EPG5: variants seen among roughly 807,000 people sequenced by gnomAD.
The protein encoded by EPG5 is ectopic P granules protein 5 homolog.
EPG5 carries 159 observed loss-of-function variants against 302.7 expected under a neutral mutation model. That is an observed-to-expected ratio of 0.53 (90% CI 0.46 to 0.60). The LOEUF is 0.60. EPG5 is among the 20% of genes least tolerant of loss of function. EPG5 has a pLI of 0.00. For synonymous variants in EPG5, 1,158 were observed against 1,136.8 expected (o/e 1.02, Z -0.37); for missense variants, 2,896 against 3,092.4 (o/e 0.94, Z 1.51).
chr18:45,933,708 G>A (rs1429359615), intron 11 of EPG5, among the ~76,000 whole-genome samples: 1 of 151,804 alleles, frequency 6.6e-6, no homozygotes, highest in Non-Finnish European at 1.5e-5. Flanking sequence ...AATAAATCAT[G>A]AATGTCTGCA....
chr18:45,838,700 C>A, the EPG5 span: 1 of 1,553,840 alleles, frequency 6.4e-7, no homozygotes, highest in African/African-American at 1.4e-5. Flanking sequence ...TGACAGTCAC[C>A]CGCCTTCTCC....
At chr18:45,870,237 T>C (rs1010342724) in intron 36 of EPG5, among the ~76,000 whole-genome samples, 6 of 152,186 alleles carry the variant, frequency 3.9e-5, no homozygotes, top group Non-Finnish European at 8.8e-5. Flanking sequence ...TGACACAAAC[T>C]GTAATGACAC....
chr18:45,840,366 G>A, the EPG5 span: 1 of 1,110,712 alleles, frequency 9.0e-7, no homozygotes. Context: ...TTTGACCAGG[G>A]GCTGGGCCTT....
chr18:45,889,161 G>C (rs1484817294), intron 28 of EPG5, among the ~76,000 whole-genome samples: 1 of 152,180 alleles, frequency 6.6e-6, no homozygotes, highest in African/African-American at 2.4e-5. Context: ...TCAGCTGTTG[G>C]AACTGGAATG....
At chr18:45,910,765 C>G in intron 22 of EPG5, 23 bp from the exon 23 acceptor site, 2 of 1,579,740 alleles carry the variant, frequency 1.3e-6, no homozygotes, top group East Asian at 2.2e-5. Flanking sequence ...AAGCACAGAT[C>G]TATAACCTTT....
At chr18:45,962,057 G>T (rs1418822785) in intron 1 of EPG5, among the ~76,000 whole-genome samples, 1 of 148,584 alleles carries the variant, frequency 6.7e-6, no homozygotes, top group Non-Finnish European at 1.5e-5. Context: ...CTAAGGCCAG[G>T]TTCTTTGGGG....
intron 14 of EPG5, among the ~76,000 whole-genome samples, chr18:45,923,617 C>T (rs948155073): frequency 3.9e-5 from 6 of 152,152 alleles, no homozygotes; most frequent in Admixed American, 6.5e-5. Context: ...AACCCCTACT[C>T]CAGCCAAAAA....
chr18:45,879,134 T>C lies in EPG5; in HGVS notation c.5748A>G (p.Leu1916=), dbSNP rs1211859486. Residue 1916 remains leucine, a synonymous_variant, in exon 33 of 44, where the codon TTA becomes TTG. Coordinates refer to ENST00000282041, the MANE Select transcript of EPG5 (RefSeq NM_020964.3). ...CCATATAAGGACTCCATTTTGAGAA[T>C]AAACCAAAGCTTTTAAAGTCCATCT... The part of the protein sequence containing the change: ...LSKMDFKSFG[L]FSKWSPYMAD... 11 of 1,614,110 alleles carry C rather than the reference T, an allele frequency of 6.8e-6. No homozygotes were observed. In the South Asian group the frequency reaches 1.1e-4, roughly 16 times the overall value.
rs754526356 is a variant in EPG5 at position 45,917,746 on chromosome 18, C to G, written c.3172G>C (p.Val1058Leu). ...LVQSRHLRTV[V>L]HVLDKILPLF... ...GGCAGAATCTTATCCAGGACATGAA[C>G]CACTGTTCTCAAATGTCTTGACTGG... The change falls in exon 17 of 44, where the codon GTT (valine) becomes CTT (leucine). Residue 1058 changes from valine to leucine, a missense_variant. Val to Leu is a conservative substitution (Grantham distance 32). Around this residue, in one of 5 missense-constraint regions of EPG5, gnomAD observed 1,390 missense variants for 1,430.0 expected, o/e 0.97. Transcript: ENST00000282041. 4 of 1,613,982 alleles carry G rather than the reference C, an allele frequency of 2.5e-6. No homozygotes were observed. In the South Asian group the frequency reaches 4.4e-5, roughly 18 times the overall value.
At chr18:45,824,192 C>T in the EPG5 span, among the ~76,000 whole-genome samples, 1 of 151,846 alleles carries the variant, frequency 6.6e-6, no homozygotes, top group Non-Finnish European at 1.5e-5. Flanking sequence ...CCTCCTGTGT[C>T]GATCTCCAGT....
chr18:45,960,207 CTA>C lies in EPG5; in HGVS notation c.64-4871_64-4870del, dbSNP rs369062859. ...ATCACAAAGTAAAATTCAGACAACT[CTA>C]TGTGTATCAATTCCATGTGTATCAA... On this transcript the variant is annotated intron_variant, in intron 1 of 43. Coordinates refer to ENST00000282041, the MANE Select transcript of EPG5 (RefSeq NM_020964.3). 5.3e-5 allele frequency among the ~76,000 whole-genome samples: 8 copies of C among 152,292 alleles called. No homozygotes were observed. The East Asian group carries it at 1.2e-3, about 22-fold the overall frequency.
chr18:45,884,207 G>GCCCCACCTA (rs1191633061), intron 30 of EPG5, among the ~76,000 whole-genome samples: 3 of 152,122 alleles, frequency 2.0e-5, no homozygotes, highest in Non-Finnish European at 4.4e-5. Flanking sequence ...CCTCCTGTCA[G>GCCCCACCTA]ATCACCCATG....
chr18:45,941,253 A>C (rs982639486), intron 9 of EPG5, among the ~76,000 whole-genome samples: 2 of 152,204 alleles, frequency 1.3e-5, no homozygotes, highest in African/African-American at 4.8e-5. Flanking sequence ...AGGAAAGAAA[A>C]TGTTTTAAGG....
chr18:45,955,436 A>T (rs773151351), intron 1 of EPG5, 98 bp from the exon 2 acceptor site: 2 of 821,364 alleles, frequency 2.4e-6, no homozygotes, highest in East Asian at 5.5e-5. Context: ...AAATTTCATC[A>T]TGTAACAAAT....
At chr18:45,914,261 T>C (rs2049976833) in intron 20 of EPG5, among the ~76,000 whole-genome samples, 1 of 152,194 alleles carries the variant, frequency 6.6e-6, no homozygotes, top group Non-Finnish European at 1.5e-5. Flanking sequence ...GAGAAGGTTC[T>C]ATGTAGATGT....
chr18:45,824,230 G>A, the EPG5 span, among the ~76,000 whole-genome samples: 156 of 152,046 alleles, frequency 1.0e-3, 1 homozygote, highest in African/African-American at 3.5e-3. Context: ...TTTTTGAGAC[G>A]GAGTCTCGCT....
At chr18:45,820,826 G>C in the EPG5 span, among the ~76,000 whole-genome samples, 2 of 152,148 alleles carry the variant, frequency 1.3e-5, no homozygotes, top group African/African-American at 4.8e-5. Flanking sequence ...TGATGTCATG[G>C]GGAATATAAA....
the EPG5 span, among the ~76,000 whole-genome samples, chr18:45,839,545 G>C: frequency 6.6e-6 from 1 of 152,172 alleles, no homozygotes; most frequent in African/African-American, 2.4e-5. Context: ...GCGGTAGACA[G>C]ATCATTGCAA....
Position 45,885,528 on chromosome 18 carries a change from C to A in EPG5, c.5110-717G>T, listed in dbSNP as rs750499981. Reference sequence around the variant, plus strand: ...ATTTTACTGAGAGTTATATTTAATACCTGTCAAAAACTAACTTCCATAATA... The same window carrying A: ...ATTTTACTGAGAGTTATATTTAATAACTGTCAAAAACTAACTTCCATAATA... On this transcript the variant is annotated intron_variant, in intron 29 of 43. Coordinates refer to ENST00000282041, the MANE Select transcript of EPG5 (RefSeq NM_020964.3). Among the ~76,000 whole-genome samples the A allele has an allele frequency of 7.2e-5, 11 of 152,112 alleles. No individual in the cohort carries two copies. In the Middle Eastern group the frequency reaches 0.01, roughly 141 times the overall value.
Sources: allele counts gnomAD v4.1 joint callset (sites outside exome capture counted in the v4.1 genomes callset), GRCh38; gene constraint gnomAD v4.1.1; regional missense constraint gnomAD v4.1.1; transcripts MANE v1.5; gene names NCBI Gene and HGNC (gene_info 2026-07-23, HGNC 2026-07-21).